Variants in APELA observed in about 807,000 individuals in gnomAD.
The protein encoded by APELA is apelin receptor early endogenous ligand.
chr4:164,891,776 C>CT (rs1463604207), intron 2 of APELA, among the ~76,000 whole-genome samples: 2 of 152,054 alleles, frequency 1.3e-5, no homozygotes, highest in Non-Finnish European at 2.9e-5. Context: ...ATCTGGGTTT[C>CT]TTTTTTCTTT....
intron 2 of APELA, among the ~76,000 whole-genome samples, chr4:164,888,211 C>T (rs762633997): frequency 6.6e-6 from 1 of 152,172 alleles, no homozygotes; most frequent in African/African-American, 2.4e-5. Context: ...AAGATAACCA[C>T]TCAAATGAAT....
chr4:164,891,982 T>C (rs1730891831), intron 2 of APELA, among the ~76,000 whole-genome samples: 1 of 152,134 alleles, frequency 6.6e-6, no homozygotes, highest in African/African-American at 2.4e-5. Flanking sequence ...GAAGGGAGGA[T>C]GTTTGTTTTG....
intron 1 of APELA, 78 bp downstream of exon 1, chr4:164,877,485 A>T (rs561397080): frequency 5.0e-6 from 2 of 398,582 alleles, no homozygotes; most frequent in African/African-American, 4.1e-5. Context: ...GATTGTGTTT[A>T]TCTGAAAACC....
chr4:164,885,471 T>C (rs1057491954), intron 2 of APELA, among the ~76,000 whole-genome samples: 1 of 151,188 alleles, frequency 6.6e-6, no homozygotes, highest in Non-Finnish European at 1.5e-5. Context: ...CTGGGCGTGG[T>C]GGCTCACACC....
At position 164,896,004 on chromosome 4, in the gene APELA, G is replaced by GT. The variant is rs1300422822; in HGVS notation, c.*597dup. 1 of 152,260 alleles carries GT rather than the reference G, an allele frequency of 6.6e-6. No homozygotes were observed. The highest frequency in any genetic ancestry group is 2.1e-4 in the South Asian group (1 of 4,822). The allele number at this position is 152,260 out of a possible 1,614,324, so 9.4% of individuals were successfully genotyped here. On this transcript the variant is annotated 3_prime_UTR_variant, in exon 3 of 3. Coordinates refer to ENST00000507152, the MANE Select transcript of APELA (RefSeq NM_001297550.2). ...TAAGCTTTAAGGTTTATGAAAGTAT[G>GT]TTTTTTTATTTAATGAGTAATGTCC...
At chr4:164,880,744 A>G (rs1730640245) in intron 2 of APELA, among the ~76,000 whole-genome samples, 1 of 152,252 alleles carries the variant, frequency 6.6e-6, no homozygotes. Context: ...TCCTCAAATC[A>G]CATACCATAA....
At chr4:164,888,610 C>T (rs900865609) in intron 2 of APELA, among the ~76,000 whole-genome samples, 7 of 152,160 alleles carry the variant, frequency 4.6e-5, no homozygotes, top group Admixed American at 4.6e-4. Flanking sequence ...CCATTGTACA[C>T]TTGTACATAT....
intron 2 of APELA, among the ~76,000 whole-genome samples, chr4:164,893,206 GA>G (rs1730913858): frequency 6.6e-6 from 1 of 151,964 alleles, no homozygotes; most frequent in Non-Finnish European, 1.5e-5. Context: ...ATTCAATTGG[GA>G]TCTTTCTTCT....
intron 2 of APELA, among the ~76,000 whole-genome samples, chr4:164,891,179 T>C (rs1730875317): frequency 6.6e-6 from 1 of 152,158 alleles, no homozygotes; most frequent in Non-Finnish European, 1.5e-5. Flanking sequence ...TTCCATTCTG[T>C]GGATGTCTTT....
In APELA at chr4:164,877,284, G is replaced by T. The variant is rs142049941; in HGVS notation, c.-48G>T. 2.8e-4 allele frequency: 111 copies of T among 398,788 alleles called. No individual in the cohort carries two copies. The highest frequency in any genetic ancestry group is 1.9e-3 in the African/African-American group (94 of 48,738). 24.7% of individuals were successfully genotyped at this position (398,788 alleles called of 1,614,324 possible). A position where few individuals can be genotyped will look rare whatever the true frequency, so the allele number is the denominator to read the frequency against. The stretch of plus-strand genomic sequence containing the variant: ...ATATTGCACAGACTATTTACAGATC[G>T]TTTGGTTTACATTGAGAGTCATTGC... On this transcript the variant is annotated 5_prime_UTR_variant, in exon 1 of 3. Transcript: ENST00000507152.
chr4:164,890,741 G>T (rs189796902), intron 2 of APELA, among the ~76,000 whole-genome samples: 4 of 152,258 alleles, frequency 2.6e-5, no homozygotes, highest in Non-Finnish European at 5.9e-5. Context: ...TATGTTTTCA[G>T]TTCTCTGGGA....
chr4:164,883,467 T>G (rs1475620573), intron 2 of APELA, among the ~76,000 whole-genome samples: 1 of 151,342 alleles, frequency 6.6e-6, no homozygotes, highest in Non-Finnish European at 1.5e-5. Flanking sequence ...TTCTTTTATG[T>G]TCCCTTTCTA....
chr4:164,888,027 C>T (rs1386398392), intron 2 of APELA, among the ~76,000 whole-genome samples: 9 of 152,162 alleles, frequency 5.9e-5, no homozygotes, highest in African/African-American at 2.2e-4. Context: ...GGGCACCATA[C>T]TTATTTCCAC....
intron 2 of APELA, among the ~76,000 whole-genome samples, chr4:164,879,548 G>T (rs1231868477): frequency 2.0e-5 from 3 of 152,012 alleles, no homozygotes; most frequent in Non-Finnish European, 4.4e-5. Context: ...GGGCTCAAGT[G>T]ATCCTCCCAC....
intron 2 of APELA, among the ~76,000 whole-genome samples, chr4:164,886,903 G>C (rs1276466776): frequency 6.6e-6 from 1 of 151,568 alleles, no homozygotes; most frequent in East Asian, 1.9e-4. Context: ...TCGGCTCACT[G>C]CACCCTCCAC....
At chr4:164,883,484 C>CTTTTTTTTTTT (rs758157733) in intron 2 of APELA, among the ~76,000 whole-genome samples, 1 of 129,368 alleles carries the variant, frequency 7.7e-6, no homozygotes, top group African/African-American at 3.2e-5. Context: ...TCTAGTCTTT[C>CTTTTTTTTTTT]TTTTTCTTTT....
At chr4:164,898,621 A>G (rs1731021110), downstream of APELA, 1 of 152,194 alleles carries the variant, frequency 6.6e-6, no homozygotes, top group South Asian at 2.1e-4. Context: ...TGCCACCCCA[A>G]TTTGGATCCC....
At chr4:164,897,709 G>A (rs1279618407), downstream of APELA, among the ~76,000 whole-genome samples, 4 of 152,146 alleles carry the variant, frequency 2.6e-5, no homozygotes, top group Admixed American at 6.6e-5. Context: ...GATGATCAGA[G>A]CAAGGGCAAA....
At chr4:164,884,121 G>GAGAAAAAGAAAGAAAGAAAGAA in intron 2 of APELA, among the ~76,000 whole-genome samples, 1 of 113,378 alleles carries the variant, frequency 8.8e-6, no homozygotes, top group East Asian at 2.4e-4. Context: ...AAGAAAGAAA[G>GAGAAAAAGAAAGAAAGAAAGAA]AGAAAGAAAG....
Sources: gnomAD v4.1 joint callset for allele counts (sites outside exome capture counted in the v4.1 genomes callset) on GRCh38, gnomAD v4.1.1 for gene constraint, MANE v1.5 for transcripts, NCBI Gene and HGNC (gene_info 2026-07-23, HGNC 2026-07-21) for gene names.